Variants in GLI3 observed in about 807,000 individuals in gnomAD.
GLI3 encodes transcription activator GLI3.
In GLI3, 20 loss-of-function variants were observed where a neutral mutation model predicts 100.8. The ratio of observed to expected loss-of-function variants is 0.20; its 90% CI spans 0.14 to 0.29. The LOEUF (loss-of-function observed/expected upper bound fraction) is 0.29. Ranked by LOEUF, GLI3 falls within the 10% of genes least tolerant of loss-of-function variation. The pLI is 1.00. For synonymous variants in GLI3, 938 were observed against 860.5 expected (o/e 1.09, Z -1.58); for missense variants, 2,040 against 2,128.5 (o/e 0.96, Z 0.82).
At chr7:42,131,221 A>G (rs1349924220) in intron 3 of GLI3, among the ~76,000 whole-genome samples, 1 of 152,220 alleles carries the variant, frequency 6.6e-6, no homozygotes, top group Admixed American at 6.5e-5. Flanking sequence ...ATGTCTAGAG[A>G]TTCCTCGTTC....
chr7:42,122,956 T>C (rs1786038329), intron 3 of GLI3, among the ~76,000 whole-genome samples: 1 of 152,248 alleles, frequency 6.6e-6, no homozygotes, highest in South Asian at 2.1e-4. Flanking sequence ...ATCTGAATAT[T>C]AATTACAAAA....
intron 10 of GLI3, among the ~76,000 whole-genome samples, chr7:41,987,728 C>A (rs1787870693): frequency 6.6e-6 from 1 of 152,194 alleles, no homozygotes; most frequent in African/African-American, 2.4e-5. Flanking sequence ...AGTTTCTAAT[C>A]CATGATATAT....
chr7:42,252,571 A>G (rs1789044813), intron 1 of GLI3, among the ~76,000 whole-genome samples: 1 of 152,212 alleles, frequency 6.6e-6, no homozygotes, highest in African/African-American at 2.4e-5. Context: ...ACACACAAAA[A>G]GTGATTATTG....
rs550744133 is a variant in GLI3 at position 42,076,617 on chromosome 7, T to G, written c.473+135A>C. On this transcript the variant is annotated intron_variant, in intron 4 of 14. Transcript: ENST00000395925. ...TGAACCCACGAACAGATAGGCTTGCTATATTTCAAAAGTAAATCTTACACT... is the reference window on the plus strand; with the variant it reads ...TGAACCCACGAACAGATAGGCTTGCGATATTTCAAAAGTAAATCTTACACT... The G allele has an allele frequency of 8.5e-6, 6 of 703,752 alleles. No homozygotes were observed. The South Asian group carries it at 9.2e-5, about 11-fold the overall frequency. The allele number at this position is 703,752 out of a possible 1,614,324, so 43.6% of individuals were successfully genotyped here.
chr7:42,148,499 T>C, intron 2 of GLI3, 31 bp from the exon 3 acceptor site: 1 of 1,596,994 alleles, frequency 6.3e-7, no homozygotes, highest in Non-Finnish European at 8.6e-7. Context: ...AAAGACTCTG[T>C]AAACTACTTT....
chr7:42,019,102 G>T (rs1788857688), intron 10 of GLI3, among the ~76,000 whole-genome samples: 1 of 152,182 alleles, frequency 6.6e-6, no homozygotes, highest in African/African-American at 2.4e-5. Flanking sequence ...AGGGTGAAGA[G>T]TTGCAGAGTT....
chr7:42,122,663 C>T (rs1464188432), intron 3 of GLI3, among the ~76,000 whole-genome samples: 1 of 152,176 alleles, frequency 6.6e-6, no homozygotes. Context: ...ATCTGATTTT[C>T]CTCCAAGAAA....
chr7:42,213,123 C>T (rs1196512798), intron 2 of GLI3, among the ~76,000 whole-genome samples: 3 of 152,192 alleles, frequency 2.0e-5, no homozygotes, highest in African/African-American at 7.2e-5. Context: ...ATTTTTTTCT[C>T]CCATTTTCCC....
intron 13 of GLI3, among the ~76,000 whole-genome samples, chr7:41,971,807 A>C (rs560123791): frequency 6.6e-6 from 1 of 152,198 alleles, no homozygotes; most frequent in South Asian, 2.1e-4. Context: ...CCTCTGGAGC[A>C]CTGAACTCCT....
intron 3 of GLI3, among the ~76,000 whole-genome samples, chr7:42,091,657 C>T (rs1785221820): frequency 6.6e-6 from 1 of 152,236 alleles, no homozygotes; most frequent in African/African-American, 2.4e-5. Context: ...AAGAATCCAG[C>T]CGCTCTCTTC....
At chr7:41,990,369 GTGTGA>G (rs1200520296) in intron 10 of GLI3, among the ~76,000 whole-genome samples, 8 of 152,244 alleles carry the variant, frequency 5.3e-5, no homozygotes, top group Non-Finnish European at 1.2e-4. Context: ...TGAACATGCA[GTGTGA>G]TTCCAAGAAA....
At chr7:42,248,098 C>CT (rs1488993525) in intron 1 of GLI3, among the ~76,000 whole-genome samples, 1 of 152,198 alleles carries the variant, frequency 6.6e-6, no homozygotes, top group African/African-American at 2.4e-5. Context: ...ATTACAAGTA[C>CT]TTTTTAACTA....
At chr7:42,005,435 A>G (rs1361815418) in intron 10 of GLI3, among the ~76,000 whole-genome samples, 2 of 147,930 alleles carry the variant, frequency 1.4e-5, no homozygotes. Context: ...CTGCTAAAAA[A>G]CATTTTTTAT....
intron 10 of GLI3, among the ~76,000 whole-genome samples, chr7:42,013,291 G>T (rs992434849): frequency 6.6e-6 from 1 of 152,074 alleles, no homozygotes; most frequent in Non-Finnish European, 1.5e-5. Context: ...AAACAATCCT[G>T]CCCTGATTGG....
At chr7:42,069,522 AAAT>A (rs1453678315) in intron 4 of GLI3, among the ~76,000 whole-genome samples, 1 of 152,242 alleles carries the variant, frequency 6.6e-6, no homozygotes, top group Non-Finnish European at 1.5e-5. Flanking sequence ...AATGATAACC[AAAT>A]AATAAGACAT....
chr7:42,060,953 G>A (rs1784556981), intron 4 of GLI3, among the ~76,000 whole-genome samples: 1 of 152,118 alleles, frequency 6.6e-6, no homozygotes. Flanking sequence ...ACATACAAGA[G>A]ACTCAGTTAG....
intron 2 of GLI3, among the ~76,000 whole-genome samples, chr7:42,203,713 T>C (rs1420765568): frequency 6.6e-6 from 1 of 152,130 alleles, no homozygotes; most frequent in Non-Finnish European, 1.5e-5. Flanking sequence ...AAATATTGAT[T>C]TGAGGCTTGA....
At chr7:42,264,153 G>A (rs947561622), upstream of GLI3, among the ~76,000 whole-genome samples, 2 of 152,152 alleles carry the variant, frequency 1.3e-5, no homozygotes, top group African/African-American at 4.8e-5. Context: ...AGCCTATCAG[G>A]AGACTTCCCA....
intron 3 of GLI3, among the ~76,000 whole-genome samples, chr7:42,085,365 T>C (rs914528802): frequency 6.6e-6 from 1 of 152,086 alleles, no homozygotes; most frequent in Non-Finnish European, 1.5e-5. Flanking sequence ...CAGAAGCAGG[T>C]AGGGAAATGT....
Sources: gnomAD v4.1 joint callset for allele counts (sites outside exome capture counted in the v4.1 genomes callset) on GRCh38, gnomAD v4.1.1 for gene constraint, MANE v1.5 for transcripts, NCBI Gene and HGNC (gene_info 2026-07-23, HGNC 2026-07-21) for gene names.